Variants in SPRY1 observed in about 807,000 individuals in gnomAD.
SPRY1 encodes sprouty RTK signaling antagonist 1.
Under a neutral mutation model 22.6 loss-of-function variants are expected in SPRY1, and 20 were observed. The observed-to-expected ratio is 0.89, with a 90% CI of 0.62 to 1.29. SPRY1 has a LOEUF of 1.29. Among genes scored for constraint, SPRY1 ranks in the 50% most tolerant of loss-of-function variants. SPRY1 has a pLI of 0.00. For synonymous variants in SPRY1, 155 were observed against 144.7 expected, an observed-to-expected ratio of 1.07 and a Z score of -0.51; for missense variants, 446 against 387.7, an observed-to-expected ratio of 1.15 and a Z score of -1.26.
rs1209140987 is a variant in SPRY1 at position 123,402,149 on chromosome 4, G to A, written c.558G>A (p.Lys186=). ...QHKFICEQCG[K]CKCGECTAPR... ...AGTTCATTTGTGAACAGTGTGGGAAGTGCAAGTGTGGAGAATGCACTGCTC... is the reference window on the plus strand; with the variant it reads ...AGTTCATTTGTGAACAGTGTGGGAAATGCAAGTGTGGAGAATGCACTGCTC... The change falls in exon 3 of 3, where the codon AAG becomes AAA. Residue 186 remains lysine (K), a synonymous_variant. Coordinates refer to ENST00000651917, the MANE Select transcript of SPRY1 (RefSeq NM_001258038.2). 1 of 1,614,124 alleles carries A rather than the reference G, an allele frequency of 6.2e-7. No individual in the cohort carries two copies. Among genetic ancestry groups the A allele is most frequent in the Non-Finnish European group, 8.5e-7 (1 of 1,180,054 alleles).
chr4:123,397,952 C>G (rs1226859426), intron 2 of SPRY1, 96 bp downstream of exon 2: 1 of 152,138 alleles, frequency 6.6e-6, no homozygotes, highest in Non-Finnish European at 1.5e-5. Flanking sequence ...GCTCCGTGAC[C>G]CACCCGCCGA....
At position 123,402,916 on chromosome 4, in the gene SPRY1, G is replaced by C. The variant is rs781774858; in HGVS notation, c.*365G>C. 1 of 433,768 alleles carries C rather than the reference G, an allele frequency of 2.3e-6. No individual in the cohort carries two copies. Among genetic ancestry groups the C allele is most frequent in the African/African-American group, 2.0e-5 (1 of 48,950 alleles). 26.9% of individuals were successfully genotyped at this position (433,768 alleles called of 1,614,324 possible). A position where few individuals can be genotyped will look rare whatever the true frequency, so the allele number is the denominator to read the frequency against. ...TTTAGAGTTGTTTTGATTGGGTACC[G>C]TGGGAGCAGGGAAATTGGTTTTTTA... On this transcript the variant is annotated 3_prime_UTR_variant, in exon 3 of 3. Coordinates refer to ENST00000651917, the MANE Select transcript of SPRY1 (RefSeq NM_001258038.2).
intron 2 of SPRY1, 103 bp from the exon 3 acceptor site, chr4:123,401,434 T>C (rs1230041898): frequency 2.0e-6 from 2 of 988,126 alleles, no homozygotes; most frequent in African/African-American, 3.3e-5. Flanking sequence ...AGGTCATTAC[T>C]AGGCGGTTTA....
In SPRY1 at chr4:123,402,564, G is replaced by A. The variant is rs752669152; in HGVS notation, c.*13G>A. On this transcript the variant is annotated 3_prime_UTR_variant, in exon 3 of 3. Transcript: ENST00000651917. ...TAAACCATCATGATTTTTGGAGGTG[G>A]GTTGTACCTCCTGAACTTTTAGCTT... 2.5e-6 allele frequency: 4 copies of A among 1,580,802 alleles called. No homozygotes were observed. Among genetic ancestry groups the A allele is most frequent in the Non-Finnish European group, 3.4e-6 (4 of 1,161,820 alleles).
rs1348837433 is a variant in SPRY1, at chr4:123,403,606, C to CAAAA, written c.*1055_*1056insAAAA. ...TGTAAAGAATATTTATTATGCGAAT[C>CAAAA]TCTATTATTTTATGGTATTTATTGC... On this transcript the variant is annotated 3_prime_UTR_variant, in exon 3 of 3. Coordinates refer to ENST00000651917, the MANE Select transcript of SPRY1 (RefSeq NM_001258038.2). 1.1e-4 allele frequency: 19 copies of CAAAA among 166,938 alleles called. No individual in the cohort carries two copies. The highest frequency in any genetic ancestry group is 1.9e-4 in the Non-Finnish European group (13 of 68,094). 10.3% of individuals were successfully genotyped at this position (166,938 alleles called of 1,614,324 possible).
chr4:123,397,233 A>G (rs1476378873), intron 1 of SPRY1, among the ~76,000 whole-genome samples: 1 of 152,192 alleles, frequency 6.6e-6, no homozygotes, highest in Admixed American at 6.5e-5. Context: ...AAGAGGGGCT[A>G]GCACTCGGTG....
At chr4:123,400,512 GT>G (rs1725103170) in intron 2 of SPRY1, 1 of 152,194 alleles carries the variant, frequency 6.6e-6, no homozygotes. Context: ...ATCTTTGGCA[GT>G]TTGTGAAGAA....
In SPRY1 at chr4:123,401,439, G is replaced by A. The variant is rs159762; in HGVS notation, c.-55-98G>A. 95,408 of 1,052,544 alleles carry A rather than the reference G, an allele frequency of 0.091. 5,824 individuals carry two copies. Among genetic ancestry groups the A allele is most frequent in the Middle Eastern group, 0.15 (452 of 3,090 alleles). The allele number at this position is 1,052,544 out of a possible 1,614,324, so 65.2% of individuals were successfully genotyped here. ...CTGATGAAGGAGGTCATTACTAGGC[G>A]GTTTAGGCAATTTGTGATTTGACAG... On this transcript the variant is annotated intron_variant, in intron 2 of 2. Transcript: ENST00000651917.
Position 123,397,796 on chromosome 4 carries a change from G to C in SPRY1, c.-116G>C, listed in dbSNP as rs1407456987. 6.8e-6 allele frequency: 1 copy of C among 146,642 alleles called. No homozygotes were observed. Among genetic ancestry groups the C allele is most frequent in the Non-Finnish European group, 1.5e-5 (1 of 67,108 alleles). The allele number at this position is 146,642 out of a possible 1,614,324, so 9.1% of individuals were successfully genotyped here. On this transcript the variant is annotated 5_prime_UTR_variant, in exon 2 of 3. Transcript: ENST00000651917. ...ACGCCCGCCTTTCTCTCTCCGAGAA[G>C]GATCCCCAAACCTCACTCTCTTCAC...
Position 123,402,470 on chromosome 4 carries a change from A to T in SPRY1, c.879A>T (p.Pro293=). ...GGTGTTATGACTGGATCCATCGCCC[A>T]GGGTGCAGATGTAAGAACTCCAACA... is the stretch of plus-strand genomic sequence containing the variant. ...CRRCYDWIHR[P]GCRCKNSNTV... is the part of the protein sequence containing the mutation. The change falls in exon 3 of 3, where the codon CCA becomes CCT. Residue 293 remains proline, a synonymous_variant. Coordinates refer to ENST00000651917, the MANE Select transcript of SPRY1 (RefSeq NM_001258038.2). 6.2e-7 allele frequency: 1 copy of T among 1,614,194 alleles called. No homozygotes were observed. The highest frequency in any genetic ancestry group is 8.5e-7 in the Non-Finnish European group (1 of 1,180,038).
At chr4:123,399,737 A>G (rs1410080494) in intron 2 of SPRY1, 1 of 152,238 alleles carries the variant, frequency 6.6e-6, no homozygotes, top group Non-Finnish European at 1.5e-5. Context: ...GGGCCACCCA[A>G]AAAGTGTGTT....
rs374319181 is a variant in SPRY1 at position 123,401,884 on chromosome 4, G to A, written c.293G>A (p.Gly98Glu). The change falls in exon 3 of 3, where the codon GGA becomes GAA. Residue 98 changes from glycine (G) to glutamate (E), a missense_variant. By Grantham distance (98) the Gly-to-Glu change is moderately conservative. Transcript: ENST00000651917. ...GAGCACAGACACACAAGCCACCTGG[G>A]ACATGCAGTACTCCCAAGTAATGCC... ...NYEHRHTSHL[G>E]HAVLPSNARG... 6.2e-7 allele frequency: 1 copy of A among 1,614,150 alleles called. No homozygotes were observed.
Position 123,401,656 on chromosome 4 carries a change from A to G in SPRY1, c.65A>G (p.Asp22Gly). Residue 22 changes from aspartate to glycine, a missense_variant, in exon 3 of 3, where the codon GAT (aspartate) becomes GGT (glycine). Transcript: ENST00000651917. ...SLVVIQQPSLDSRQRLDYERE... is the reference protein window; with the variant it reads ...SLVVIQQPSLGSRQRLDYERE... ...GTTGTGATCCAGCAGCCTTCTTTGG[A>G]TAGCCGTCAGAGATTAGACTATGAG... 6.2e-7 allele frequency: 1 copy of G among 1,614,178 alleles called. No individual in the cohort carries two copies. The highest frequency in any genetic ancestry group is 8.5e-7 in the Non-Finnish European group (1 of 1,180,046).
Position 123,401,872 on chromosome 4 carries a change from C to A in SPRY1, c.281C>A (p.Thr94Lys), listed in dbSNP as rs542203833. ...AATAATAACTACGAGCACAGACACA[C>A]AAGCCACCTGGGACATGCAGTACTC... ...NVNNNYEHRHTSHLGHAVLPS... is the reference protein window; with the variant it reads ...NVNNNYEHRHKSHLGHAVLPS... The change falls in exon 3 of 3, where the codon ACA becomes AAA. Residue 94 changes from threonine (T) to lysine (K), a missense_variant. Physicochemically the swap from Thr to Lys is moderately conservative, Grantham distance 78. Transcript: ENST00000651917. 1.9e-6 allele frequency: 3 copies of A among 1,614,074 alleles called. No homozygotes were observed. The highest frequency in any genetic ancestry group is 3.3e-5 in the Admixed American group (2 of 60,004).
At chr4:123,401,477 C>CAA in intron 2 of SPRY1, 60 bp from the exon 3 acceptor site, 2 of 1,318,674 alleles carry the variant, frequency 1.5e-6, no homozygotes, top group Non-Finnish European at 1.0e-6. Flanking sequence ...TTCCCCCCCC[C>CAA]CAAAAAAAAT....
In SPRY1 at chr4:123,403,008, C is replaced by T; in HGVS notation, c.*457C>T. The T allele has an allele frequency of 2.4e-6, 1 of 412,426 alleles. No homozygotes were observed. The highest frequency in any genetic ancestry group is 4.4e-6 in the Non-Finnish European group (1 of 225,728). 25.5% of individuals were successfully genotyped at this position (412,426 alleles called of 1,614,324 possible). A position where few individuals can be genotyped will look rare whatever the true frequency, so the allele number is the denominator to read the frequency against. On this transcript the variant is annotated 3_prime_UTR_variant, in exon 3 of 3. Coordinates refer to ENST00000651917, the MANE Select transcript of SPRY1 (RefSeq NM_001258038.2). ...TCTGTCTCCAGTTAGGGCTATCTTC[C>T]TAGCATAGGCCCCTTAAGTAGCATG...
chr4:123,399,108 G>C (rs1406265470), intron 2 of SPRY1, among the ~76,000 whole-genome samples: 1 of 147,084 alleles, frequency 6.8e-6, no homozygotes, highest in Non-Finnish European at 1.5e-5. Flanking sequence ...TGGGCGCGGT[G>C]GCTCACGCCT....
Position 123,402,091 on chromosome 4 carries a change from AG to A in SPRY1, c.503del (p.Gly168ValfsTer3). On this transcript the variant is annotated frameshift_variant, in exon 3 of 3. Coordinates refer to ENST00000651917, the MANE Select transcript of SPRY1 (RefSeq NM_001258038.2). LOFTEE classifies it high-confidence loss of function. ...QPKQLIVDDL[K>X]GSLKEDLTQH... ...AAGCAACTGATTGTGGATGACTTGA[AG>A]GGTTCCTTGAAAGAGGACCTGACAC... 6.2e-7 allele frequency: 1 copy of A among 1,614,214 alleles called. No homozygotes were observed. Among genetic ancestry groups the A allele is most frequent in the Non-Finnish European group, 8.5e-7 (1 of 1,180,032 alleles).
chr4:123,402,820 G>A lies in SPRY1; in HGVS notation c.*269G>A. On this transcript the variant is annotated 3_prime_UTR_variant, in exon 3 of 3. Coordinates refer to ENST00000651917, the MANE Select transcript of SPRY1 (RefSeq NM_001258038.2). ...TTGAGAGCCAGTGGGCTTTTGTGTA[G>A]CCTTTTTGTTCTGCAAGCAACTTTC... 1 of 526,784 alleles carries A rather than the reference G, an allele frequency of 1.9e-6. No individual in the cohort carries two copies. Among genetic ancestry groups the A allele is most frequent in the Admixed American group, 3.6e-5 (1 of 27,610 alleles). 32.6% of individuals were successfully genotyped at this position (526,784 alleles called of 1,614,324 possible). A position where few individuals can be genotyped will look rare whatever the true frequency, so the allele number is the denominator to read the frequency against.
Sources: gnomAD v4.1 joint callset for allele counts (sites outside exome capture counted in the v4.1 genomes callset) on GRCh38, gnomAD v4.1.1 for gene constraint, MANE v1.5 for transcripts, NCBI Gene and HGNC (gene_info 2026-07-23, HGNC 2026-07-21) for gene names.